CHRM3: variants seen among roughly 807,000 people sequenced by gnomAD.
CHRM3 encodes the protein cholinergic receptor muscarinic 3.
A neutral mutation model predicts 41.8 loss-of-function variants in CHRM3; 11 were observed. The observed-to-expected ratio is 0.26, with a 90% CI of 0.17 to 0.44. The LOEUF is 0.44. CHRM3 is among the 20% of genes least tolerant of loss of function. The probability of loss-of-function intolerance (pLI) is 1.00; values close to 1 mark genes in which losing one functional copy is unlikely to be tolerated. For synonymous variants in CHRM3, 297 were observed against 301.4 expected (o/e 0.99, Z 0.15); for missense variants, 571 against 745.4 (o/e 0.77, Z 2.72).
chr1:239,744,474 G>A (rs576148159), intron 5 of CHRM3, among the ~76,000 whole-genome samples: 1 of 152,246 alleles, frequency 6.6e-6, no homozygotes, highest in African/African-American at 2.4e-5. Flanking sequence ...GAGAAGTTGA[G>A]GGAGCGGCCG....
chr1:239,737,606 C>T (rs1333706857), intron 5 of CHRM3, among the ~76,000 whole-genome samples: 2 of 152,136 alleles, frequency 1.3e-5, no homozygotes, highest in African/African-American at 4.8e-5. Context: ...CCACTTTCTT[C>T]TTGCACATTT....
Position 239,438,206 on chromosome 1 carries a change from A to AT in CHRM3, c.-521+50987dup, listed in dbSNP as rs1000226089. ...CATTTACATTTATTTCCACTATAGA[A>AT]TTTTTTTTCTTAATAGTTAAGAAAG... On this transcript the variant is annotated intron_variant, in intron 1 of 6. Transcript: ENST00000676153. 1.5e-4 allele frequency among the ~76,000 whole-genome samples: 23 copies of AT among 152,098 alleles called. No individual in the cohort carries two copies. The South Asian group carries it at 4.1e-3, about 27-fold the overall frequency.
chr1:239,417,848 T>C (rs149421736), intron 1 of CHRM3, among the ~76,000 whole-genome samples: 2 of 152,288 alleles, frequency 1.3e-5, no homozygotes, highest in Non-Finnish European at 1.5e-5. Flanking sequence ...TATGAAACTT[T>C]TTGTGACTAT....
At chr1:239,485,238 A>T (rs1667109579) in intron 1 of CHRM3, among the ~76,000 whole-genome samples, 2 of 152,038 alleles carry the variant, frequency 1.3e-5, no homozygotes, top group Non-Finnish European at 2.9e-5. Context: ...CAAAGGGGAG[A>T]CCCTACTCAG....
At chr1:239,772,035 A>G (rs977069694) in intron 5 of CHRM3, among the ~76,000 whole-genome samples, 1 of 152,240 alleles carries the variant, frequency 6.6e-6, no homozygotes, top group Admixed American at 6.5e-5. Context: ...TAGGTGATAC[A>G]GTGTGCGTAA....
chr1:239,389,257 A>G (rs1315691762), intron 1 of CHRM3, among the ~76,000 whole-genome samples: 4 of 152,216 alleles, frequency 2.6e-5, no homozygotes, highest in Non-Finnish European at 5.9e-5. Flanking sequence ...AAGTGTTATA[A>G]TGAGTAGTTC....
At chr1:239,825,180 A>T (rs892970573) in intron 5 of CHRM3, among the ~76,000 whole-genome samples, 1 of 152,182 alleles carries the variant, frequency 6.6e-6, no homozygotes, top group Admixed American at 6.5e-5. Context: ...GCTCTGTGAA[A>T]ACTTTAAAAT....
intron 1 of CHRM3, among the ~76,000 whole-genome samples, chr1:239,476,232 G>A (rs536984076): frequency 3.9e-5 from 6 of 152,230 alleles, no homozygotes; most frequent in East Asian, 1.9e-4. Flanking sequence ...TTGGGAGGCC[G>A]AGGCAGGCAG....
chr1:239,485,431 CATGCCACCACCTGGCTA>C (rs1317285681), intron 1 of CHRM3, among the ~76,000 whole-genome samples: 1 of 152,244 alleles, frequency 6.6e-6, no homozygotes, highest in South Asian at 2.1e-4. Flanking sequence ...GCTACAGGCA[CATGCCACCACCTGGCTA>C]ATTTTTTAAA....
chr1:239,430,781 CT>C (rs372204326), intron 1 of CHRM3, among the ~76,000 whole-genome samples: 11,505 of 140,520 alleles, frequency 0.082, 588 homozygotes, highest in African/African-American at 0.16. Context: ...TAGCTTTTTG[CT>C]TTTTTTTTTT....
intron 6 of CHRM3, among the ~76,000 whole-genome samples, chr1:239,879,219 C>T (rs908381887): frequency 2.6e-5 from 4 of 152,168 alleles, no homozygotes; most frequent in African/African-American, 9.7e-5. Flanking sequence ...CAGCCTCAAA[C>T]TCCTGGGCTC....
At chr1:239,783,007 T>G (rs1668619131) in intron 5 of CHRM3, among the ~76,000 whole-genome samples, 1 of 151,670 alleles carries the variant, frequency 6.6e-6, no homozygotes, top group African/African-American at 2.4e-5. Context: ...TGTTAAAGTG[T>G]GTTTTATGGC....
At chr1:239,661,122 C>T (rs1438245358) in intron 4 of CHRM3, among the ~76,000 whole-genome samples, 5 of 152,166 alleles carry the variant, frequency 3.3e-5, no homozygotes, top group African/African-American at 1.2e-4. Flanking sequence ...CCAGCACCTA[C>T]CAAGTCTTCT....
chr1:239,627,384 G>C (rs1336317692), intron 3 of CHRM3, among the ~76,000 whole-genome samples: 1 of 119,654 alleles, frequency 8.4e-6, no homozygotes, highest in Non-Finnish European at 1.8e-5. Flanking sequence ...TTTATTTTGA[G>C]CCTATGTGTG....
chr1:239,830,617 T>C (rs1388018241), intron 6 of CHRM3, among the ~76,000 whole-genome samples: 3 of 152,122 alleles, frequency 2.0e-5, no homozygotes, highest in Non-Finnish European at 4.4e-5. Flanking sequence ...GGCAGGAGAA[T>C]TGCTTGAACC....
chr1:239,507,084 T>G (rs897522904), intron 2 of CHRM3, among the ~76,000 whole-genome samples: 4 of 152,152 alleles, frequency 2.6e-5, no homozygotes, highest in African/African-American at 7.2e-5. Context: ...CTTGCGTTGT[T>G]TTTGATGGGA....
chr1:239,824,857 A>G (rs1672330689), intron 5 of CHRM3, among the ~76,000 whole-genome samples: 1 of 152,346 alleles, frequency 6.6e-6, no homozygotes. Flanking sequence ...TCCTTAAAGT[A>G]TTTCAGATCC....
At chr1:239,528,899 GCAA>G (rs898788665) in intron 2 of CHRM3, among the ~76,000 whole-genome samples, 1 of 152,052 alleles carries the variant, frequency 6.6e-6, no homozygotes, top group African/African-American at 2.4e-5. Context: ...TCTAAAAACA[GCAA>G]CAACAACAAA....
At position 239,525,800 on chromosome 1, in the gene CHRM3, T is replaced by C. The variant is rs139886425; in HGVS notation, c.-421-19841T>C. Among the ~76,000 whole-genome samples, 36 of 152,220 alleles carry C rather than the reference T, an allele frequency of 2.4e-4. 1 individual carries two copies. The highest frequency in any genetic ancestry group is 8.8e-5 in the Non-Finnish European group (6 of 68,042). Reference sequence around the variant, plus strand: ...TATTGTTATTTGGAACAAGGGCATGTAGGCAAAAGATGTAAATGCTTTCCA... The same window carrying C: ...TATTGTTATTTGGAACAAGGGCATGCAGGCAAAAGATGTAAATGCTTTCCA... On this transcript the variant is annotated intron_variant, in intron 2 of 6. Coordinates refer to ENST00000676153, the MANE Select transcript of CHRM3 (RefSeq NM_001375978.1).
Sources: gnomAD v4.1 joint callset for allele counts (sites outside exome capture counted in the v4.1 genomes callset) on GRCh38, gnomAD v4.1.1 for gene constraint, MANE v1.5 for transcripts, NCBI Gene and HGNC (gene_info 2026-07-23, HGNC 2026-07-21) for gene names.